CSMD3: variants seen among roughly 807,000 people sequenced by gnomAD.
CSMD3 encodes the protein CUB and Sushi multiple domains 3.
A neutral mutation model predicts 435.2 loss-of-function variants in CSMD3; 177 were observed. That is an observed-to-expected ratio of 0.41 (90% CI 0.36 to 0.46). The LOEUF (loss-of-function observed/expected upper bound fraction) is 0.46. CSMD3 is among the 20% of genes least tolerant of loss of function. The pLI is 0.34. For missense variants in CSMD3, 4,265 were observed against 4,504.6 expected (o/e 0.95, Z 1.52); for synonymous variants, 1,656 against 1,520.5 (o/e 1.09, Z -2.07).
chr8:112,318,926 A>G lies in CSMD3; in HGVS notation c.7271T>C (p.Leu2424Pro), dbSNP rs1396277245. ...EIGDIIRYQCLPGFTLVGNAI... is the reference protein window; with the variant it reads ...EIGDIIRYQCPPGFTLVGNAI... The stretch of plus-strand genomic sequence containing the variant: ...ATTACCAACTAAAGTAAATCCTGGA[A>G]GACACTGATACCTAATAATATCACC... The change falls in exon 47 of 71, where the codon CTT (leucine) becomes CCT (proline). Residue 2424 changes from leucine to proline, a missense_variant. Physicochemically the swap from Leu to Pro is moderately conservative, Grantham distance 98. Transcript: ENST00000297405. 1 of 1,610,442 alleles carries G rather than the reference A, an allele frequency of 6.2e-7. No homozygotes were observed. Among genetic ancestry groups the G allele is most frequent in the East Asian group, 2.2e-5 (1 of 44,818 alleles).
chr8:112,650,169 G>A lies in CSMD3; in HGVS notation c.3185C>T (p.Thr1062Ile), dbSNP rs1232867955. 1.9e-6 allele frequency: 3 copies of A among 1,610,950 alleles called. No homozygotes were observed. The highest frequency in any genetic ancestry group is 3.3e-5 in the Admixed American group (2 of 60,012). Residue 1062 changes from threonine (T) to isoleucine (I), a missense_variant, in exon 19 of 71, where the codon ACC becomes ATC. Coordinates refer to ENST00000297405, the MANE Select transcript of CSMD3 (RefSeq NM_198123.2). The part of the protein sequence containing the change: ...KNHWWSHPLP[T>I]CDALCGGDVR... ...GTCAAATGAGTTATTACCATCACAG[G>A]TTGGAAGTGGATGACTCCACCAGTG...
intron 35 of CSMD3, among the ~76,000 whole-genome samples, chr8:112,394,503 C>T (rs994491940): frequency 6.6e-6 from 1 of 152,154 alleles, no homozygotes; most frequent in Non-Finnish European, 1.5e-5. Context: ...ACTTGGCCCT[C>T]TGCTCTGCCT....
At chr8:112,346,621 A>C (rs1467995525) in intron 40 of CSMD3, among the ~76,000 whole-genome samples, 1 of 151,190 alleles carries the variant, frequency 6.6e-6, no homozygotes, top group Non-Finnish European at 1.5e-5. Context: ...TTCAGCTCTA[A>C]GTACTGTATT....
intron 22 of CSMD3, among the ~76,000 whole-genome samples, chr8:112,633,996 C>T (rs187028438): frequency 6.6e-6 from 1 of 152,080 alleles, no homozygotes; most frequent in East Asian, 1.9e-4. Flanking sequence ...GAAATACAAC[C>T]TACTTAAAAT....
At chr8:113,326,806 C>G (rs189760279) in intron 1 of CSMD3, among the ~76,000 whole-genome samples, 1 of 151,974 alleles carries the variant, frequency 6.6e-6, no homozygotes, top group South Asian at 2.1e-4. Context: ...AGTTTATAAC[C>G]CATTCCAAAT....
intron 6 of CSMD3, among the ~76,000 whole-genome samples, chr8:112,999,539 G>C (rs991661192): frequency 1.3e-5 from 2 of 151,808 alleles, no homozygotes; most frequent in Non-Finnish European, 2.9e-5. Context: ...GAAGGGTTCT[G>C]AACTGAGGAA....
chr8:112,390,801 C>G lies in CSMD3; in HGVS notation c.5810-13G>C, dbSNP rs1317809044. 1.2e-6 allele frequency: 2 copies of G among 1,612,600 alleles called. No homozygotes were observed. Among genetic ancestry groups the G allele is most frequent in the Non-Finnish European group, 8.5e-7 (1 of 1,178,856 alleles). ...CCACCACAGGGCACTGAAAATAAAG[C>G]AGTCCAAGAGAGGGAGTTAATTCTA... On this transcript the variant is annotated splice_polypyrimidine_tract_variant and intron_variant, in intron 35 of 70. Transcript: ENST00000297405.
At chr8:113,298,446 A>G (rs536655037) in intron 2 of CSMD3, among the ~76,000 whole-genome samples, 1 of 152,290 alleles carries the variant, frequency 6.6e-6, no homozygotes, top group Admixed American at 6.5e-5. Flanking sequence ...CCTCAAAATT[A>G]AGAAGCAAAT....
intron 32 of CSMD3, among the ~76,000 whole-genome samples, chr8:112,460,665 ATAT>A (rs1817359698): frequency 1.3e-5 from 2 of 152,288 alleles, no homozygotes; most frequent in African/African-American, 4.8e-5. Context: ...AATAAAATAA[ATAT>A]TATAGAAGAT....
chr8:112,742,025 GA>G (rs1179186265), intron 13 of CSMD3, among the ~76,000 whole-genome samples: 1 of 151,758 alleles, frequency 6.6e-6, no homozygotes, highest in East Asian at 1.9e-4. Context: ...GAGATAGGAA[GA>G]AAAAAGTCTT....
chr8:112,299,988 T>C (rs1820753796), intron 53 of CSMD3, among the ~76,000 whole-genome samples: 1 of 151,100 alleles, frequency 6.6e-6, no homozygotes, highest in South Asian at 2.1e-4. Context: ...TTAAATAATA[T>C]ATAATACACA....
chr8:112,873,620 C>T (rs1410529804), intron 10 of CSMD3, among the ~76,000 whole-genome samples: 1 of 151,914 alleles, frequency 6.6e-6, no homozygotes, highest in Non-Finnish European at 1.5e-5. Context: ...AAATGCTCAA[C>T]AAATGTTTTT....
At chr8:112,716,903 T>G (rs931305197) in intron 13 of CSMD3, among the ~76,000 whole-genome samples, 6 of 152,264 alleles carry the variant, frequency 3.9e-5, no homozygotes, top group South Asian at 2.1e-4. Flanking sequence ...ACCCCTTCCT[T>G]ACACCTCATA....
At chr8:113,147,250 T>A (rs1344195555) in intron 4 of CSMD3, among the ~76,000 whole-genome samples, 1 of 151,694 alleles carries the variant, frequency 6.6e-6, no homozygotes, top group African/African-American at 2.4e-5. Flanking sequence ...AGCATTTTAT[T>A]GAGTTCTGTA....
intron 3 of CSMD3, among the ~76,000 whole-genome samples, chr8:113,222,744 C>A (rs776350121): frequency 5.3e-5 from 8 of 150,900 alleles, no homozygotes; most frequent in Non-Finnish European, 7.4e-5. Context: ...CTCATATTGA[C>A]CTTTTTATTT....
At chr8:112,418,984 C>A (rs1812195958) in intron 32 of CSMD3, among the ~76,000 whole-genome samples, 1 of 152,114 alleles carries the variant, frequency 6.6e-6, no homozygotes, top group African/African-American at 2.4e-5. Flanking sequence ...GTGTCCCATT[C>A]CCCAATATCT....
chr8:112,336,743 A>C lies in CSMD3; in HGVS notation c.6928T>G (p.Phe2310Val), dbSNP rs749137439. 1.2e-6 allele frequency: 2 copies of C among 1,613,244 alleles called. No homozygotes were observed. The highest frequency in any genetic ancestry group is 1.7e-6 in the Non-Finnish European group (2 of 1,179,300). Residue 2310 changes from phenylalanine (F) to valine (V), a missense_variant, in exon 44 of 71, where the codon TTT (phenylalanine) becomes GTT (valine). Coordinates refer to ENST00000297405, the MANE Select transcript of CSMD3 (RefSeq NM_198123.2). ...PDEYPNFQDC[F>V]WLVRVPPGNG... is the part of the protein sequence containing the mutation. Reference sequence around the variant, plus strand: ...CCAGGGGGTACTCTTACAAGCCAAAAACAATCTTGAAAGTTTGGATATTCA... The same window carrying C: ...CCAGGGGGTACTCTTACAAGCCAAACACAATCTTGAAAGTTTGGATATTCA...
intron 5 of CSMD3, among the ~76,000 whole-genome samples, chr8:113,072,823 G>A (rs1466906322): frequency 1.3e-5 from 1 of 78,074 alleles, no homozygotes. Context: ...AAATCATTCT[G>A]TTGGTCTTTA....
At chr8:112,528,642 A>T (rs932687485) in intron 27 of CSMD3, among the ~76,000 whole-genome samples, 1 of 152,164 alleles carries the variant, frequency 6.6e-6, no homozygotes, top group African/African-American at 2.4e-5. Context: ...GGAACAAATC[A>T]TCGACAAATT....
Sources: gnomAD v4.1 joint callset for allele counts (sites outside exome capture counted in the v4.1 genomes callset) on GRCh38, gnomAD v4.1.1 for gene constraint, MANE v1.5 for transcripts, NCBI Gene and HGNC (gene_info 2026-07-23, HGNC 2026-07-21) for gene names.